S100Z: variants seen among roughly 807,000 people sequenced by gnomAD.
The protein encoded by S100Z is S100 calcium binding protein Z.
Under a neutral mutation model 8.5 loss-of-function variants are expected in S100Z, and 11 were observed. The ratio of observed to expected loss-of-function variants is 1.30; its 90% confidence interval spans 0.82 to 2.15. S100Z has a LOEUF of 2.15. Among genes scored for constraint, S100Z ranks in the 30% most tolerant of loss-of-function variants. S100Z has a pLI of 0.00. For synonymous variants in S100Z, 34 were observed against 43.8 expected (o/e 0.78, Z 0.89); for missense variants, 126 against 117.9 (o/e 1.07, Z -0.32).
At chr5:76,938,079 A>G in the S100Z span, among the ~76,000 whole-genome samples, 1 of 150,126 alleles carries the variant, frequency 6.7e-6, no homozygotes, top group Admixed American at 6.7e-5. Context: ...GGGCAACAGT[A>G]TGAGACTCTG....
intron 1 of S100Z, among the ~76,000 whole-genome samples, chr5:76,862,392 A>G (rs1751084741): frequency 1.3e-5 from 2 of 152,170 alleles, no homozygotes; most frequent in South Asian, 2.1e-4. Context: ...ACAAGATGGA[A>G]GTCTCCACTT....
At chr5:76,867,363 G>C (rs1003047007) in intron 1 of S100Z, among the ~76,000 whole-genome samples, 1 of 152,170 alleles carries the variant, frequency 6.6e-6, no homozygotes, top group Non-Finnish European at 1.5e-5. Context: ...CCTCCTGTAT[G>C]ACTGTAGTCT....
chr5:76,884,684 G>A (rs1743534805), intron 4 of S100Z, among the ~76,000 whole-genome samples: 1 of 152,184 alleles, frequency 6.6e-6, no homozygotes, highest in Admixed American at 6.6e-5. Flanking sequence ...GGGCAAGTGG[G>A]GGAGGACTAG....
Position 76,910,663 on chromosome 5 carries a change from C to T in S100Z, c.*3-10054C>T, listed in dbSNP as rs1744619671. Among the ~76,000 whole-genome samples, 6 of 152,172 alleles carry T rather than the reference C, an allele frequency of 3.9e-5. No individual in the cohort carries two copies. The South Asian group carries it at 1.2e-3, about 32-fold the overall frequency. On this transcript the variant is annotated intron_variant, in intron 4 of 4. Coordinates refer to ENST00000317593, the MANE Select transcript of S100Z (RefSeq NM_130772.4). Reference sequence around the variant, plus strand: ...GGTTCTCTGGGTCAGAAGCTGCCAACCAGATGATCCAGCAACAGGACTGAG... The same window carrying T: ...GGTTCTCTGGGTCAGAAGCTGCCAATCAGATGATCCAGCAACAGGACTGAG...
the S100Z span, among the ~76,000 whole-genome samples, chr5:76,935,341 G>C: frequency 1.3e-5 from 2 of 152,116 alleles, no homozygotes; most frequent in African/African-American, 4.8e-5. Flanking sequence ...GTGACAATAT[G>C]GAATTAATAT....
intron 4 of S100Z, among the ~76,000 whole-genome samples, chr5:76,910,794 C>G (rs992713461): frequency 1.3e-5 from 2 of 152,304 alleles, no homozygotes; most frequent in African/African-American, 4.8e-5. Context: ...ACTGGCGCGG[C>G]CTTCTCAGTG....
At chr5:76,927,216 G>A in the S100Z span, among the ~76,000 whole-genome samples, 1 of 152,132 alleles carries the variant, frequency 6.6e-6, no homozygotes, top group Non-Finnish European at 1.5e-5. Flanking sequence ...CTGTGCTCTG[G>A]GGGAGAGGGA....
At chr5:76,916,208 A>G (rs930870480) in intron 4 of S100Z, among the ~76,000 whole-genome samples, 5 of 152,088 alleles carry the variant, frequency 3.3e-5, no homozygotes, top group Non-Finnish European at 7.3e-5. Context: ...TACATTACTA[A>G]TAATAAAAGT....
At chr5:76,882,521 T>C (rs368542718) in intron 4 of S100Z, among the ~76,000 whole-genome samples, 56 of 152,260 alleles carry the variant, frequency 3.7e-4, no homozygotes, top group African/African-American at 1.3e-3. Context: ...GTTTATATAA[T>C]GGTTTTGTTA....
At chr5:76,861,340 A>G (rs906910030) in intron 1 of S100Z, among the ~76,000 whole-genome samples, 6 of 112,578 alleles carry the variant, frequency 5.3e-5, no homozygotes, top group Admixed American at 4.2e-4. Context: ...GGCAAAAGCC[A>G]GGATTTTTTT....
At chr5:76,895,804 C>G (rs1319182807) in intron 4 of S100Z, among the ~76,000 whole-genome samples, 1 of 115,688 alleles carries the variant, frequency 8.6e-6, no homozygotes, top group African/African-American at 3.2e-5. Flanking sequence ...GAGTTTGGCA[C>G]TGTTGTCCAG....
downstream of S100Z, among the ~76,000 whole-genome samples, chr5:76,924,886 C>G (rs979044031): frequency 6.0e-4 from 91 of 150,918 alleles, no homozygotes; most frequent in African/African-American, 2.2e-3. Context: ...GCACTCCAGC[C>G]TGGGCAACAG....
intron 4 of S100Z, among the ~76,000 whole-genome samples, chr5:76,878,420 G>A (rs929262354): frequency 3.3e-5 from 5 of 152,156 alleles, no homozygotes; most frequent in African/African-American, 7.2e-5. Context: ...TGCCCCTTGG[G>A]TTGGATAATT....
rs954445170 is a variant in S100Z, at chr5:76,884,465, G to C, written c.*2+6631G>C. ...AAAAACTCTTTCCCATTCATCCGGGGAGAGGGTAGAAGTCAGGATGACATT... is the reference window on the plus strand; with the variant it reads ...AAAAACTCTTTCCCATTCATCCGGGCAGAGGGTAGAAGTCAGGATGACATT... On this transcript the variant is annotated intron_variant, in intron 4 of 4. Coordinates refer to ENST00000317593, the MANE Select transcript of S100Z (RefSeq NM_130772.4). Among the ~76,000 whole-genome samples, 3 of 152,192 alleles carry C rather than the reference G, an allele frequency of 2.0e-5. No homozygotes were observed. The East Asian group carries it at 5.8e-4, about 29-fold the overall frequency.
chr5:76,855,049 G>C (rs371415197), intron 1 of S100Z, among the ~76,000 whole-genome samples: 1 of 152,374 alleles, frequency 6.6e-6, no homozygotes, highest in South Asian at 2.1e-4. Context: ...TTAAGCCTGT[G>C]AGTGCACAGA....
the S100Z span, among the ~76,000 whole-genome samples, chr5:76,935,436 G>C: frequency 7.9e-5 from 12 of 152,240 alleles, no homozygotes; most frequent in East Asian, 2.1e-3. Flanking sequence ...CAGGAATAGT[G>C]TGCTATGAAA....
chr5:76,915,962 A>T (rs955950789), intron 4 of S100Z, among the ~76,000 whole-genome samples: 7 of 152,138 alleles, frequency 4.6e-5, no homozygotes, highest in African/African-American at 1.7e-4. Flanking sequence ...TAGGATCAAG[A>T]CCAGTCAGGC....
At chr5:76,926,182 A>G (rs528236567), downstream of S100Z, among the ~76,000 whole-genome samples, 2 of 152,118 alleles carry the variant, frequency 1.3e-5, no homozygotes, top group South Asian at 4.2e-4. Context: ...TTCACCCAGG[A>G]GTATACTCTG....
chr5:76,886,171 C>T (rs553653053), intron 4 of S100Z, among the ~76,000 whole-genome samples: 5 of 152,282 alleles, frequency 3.3e-5, no homozygotes, highest in East Asian at 1.9e-4. Flanking sequence ...CAGGTGTCCC[C>T]GTGAGGTCAG....
Sources: allele counts gnomAD v4.1 joint callset (sites outside exome capture counted in the v4.1 genomes callset), GRCh38; gene constraint gnomAD v4.1.1; transcripts MANE v1.5; gene names NCBI Gene and HGNC (gene_info 2026-07-23, HGNC 2026-07-21).